Variants in RABGEF1 observed in about 807,000 individuals in gnomAD.
RABGEF1 encodes rab5 GDP/GTP exchange factor.
A neutral mutation model predicts 57.3 loss-of-function variants in RABGEF1; 26 were observed. That is an observed-to-expected ratio of 0.45 (90% CI 0.33 to 0.63). The LOEUF (loss-of-function observed/expected upper bound fraction) is 0.63. Among genes scored for constraint, RABGEF1 ranks in the 20% least tolerant of loss-of-function variants. RABGEF1 has a pLI of 0.02. For synonymous variants in RABGEF1, 185 were observed against 210.7 expected (o/e 0.88, Z 1.06); for missense variants, 464 against 607.6 (o/e 0.76, Z 2.48).
chr7:66,739,676 AAAAAAAAT>A (rs1196263720), upstream of RABGEF1, among the ~76,000 whole-genome samples: 2 of 151,404 alleles, frequency 1.3e-5, no homozygotes, highest in African/African-American at 4.9e-5. Context: ...AAAAAAAAAA[AAAAAAAAT>A]AGACTGAAAA....
chr7:66,699,295 C>T (rs762863506), intron 1 of RABGEF1, among the ~76,000 whole-genome samples: 9 of 152,158 alleles, frequency 5.9e-5, no homozygotes, highest in African/African-American at 1.2e-4. Flanking sequence ...TCCCCTAGAC[C>T]GGGAGACAAA....
chr7:66,769,975 G>T (rs1396295357), intron 1 of RABGEF1, among the ~76,000 whole-genome samples: 3 of 152,132 alleles, frequency 2.0e-5, no homozygotes, highest in Admixed American at 6.6e-5. Flanking sequence ...TTCAACACAA[G>T]GCTCTTTAAG....
chr7:66,784,307 G>A (rs1396248567), intron 4 of RABGEF1, among the ~76,000 whole-genome samples: 4 of 152,198 alleles, frequency 2.6e-5, no homozygotes, highest in African/African-American at 9.7e-5. Flanking sequence ...AGGGACTTTA[G>A]CAACTATGGA....
chr7:66,728,300 C>G (rs1465077138), intron 2 of RABGEF1, among the ~76,000 whole-genome samples: 1 of 152,148 alleles, frequency 6.6e-6, no homozygotes, highest in Non-Finnish European at 1.5e-5. Context: ...CCCTTCCTGT[C>G]TATTGTCTTG....
chr7:66,698,103 C>G (rs1052314861), intron 1 of RABGEF1, among the ~76,000 whole-genome samples: 1 of 151,840 alleles, frequency 6.6e-6, no homozygotes, highest in Non-Finnish European at 1.5e-5. Flanking sequence ...AGCCACGCAC[C>G]CCCCCCACCC....
At chr7:66,800,163 T>C (rs544333122) in intron 7 of RABGEF1, among the ~76,000 whole-genome samples, 2 of 152,198 alleles carry the variant, frequency 1.3e-5, no homozygotes, top group African/African-American at 4.8e-5. Context: ...TTAACTGATA[T>C]TAGTAGTGTT....
intron 6 of RABGEF1, among the ~76,000 whole-genome samples, chr7:66,797,945 C>T (rs184601731): frequency 1.0e-3 from 153 of 152,162 alleles, no homozygotes; most frequent in African/African-American, 3.4e-3. Context: ...GGTAAAACCC[C>T]GTCTCTACTA....
intron 1 of RABGEF1, among the ~76,000 whole-genome samples, chr7:66,694,038 G>A (rs1791952693): frequency 6.6e-6 from 1 of 152,062 alleles, no homozygotes; most frequent in African/African-American, 2.4e-5. Context: ...CGAACTCCTG[G>A]CCTCAAGTGA....
chr7:66,675,653 C>T, the RABGEF1 span, among the ~76,000 whole-genome samples: 227 of 152,140 alleles, frequency 1.5e-3, no homozygotes, highest in African/African-American at 5.1e-3. Context: ...TTTTCATGAA[C>T]GATGTGGTCT....
chr7:66,778,893 A>G (rs905714593), intron 3 of RABGEF1, among the ~76,000 whole-genome samples: 2 of 152,186 alleles, frequency 1.3e-5, no homozygotes, highest in Admixed American at 1.3e-4. Context: ...AGGCAGGCAG[A>G]TCACCTAAGG....
chr7:66,770,075 T>A (rs1402946238), intron 1 of RABGEF1, among the ~76,000 whole-genome samples: 1 of 152,196 alleles, frequency 6.6e-6, no homozygotes, highest in African/African-American at 2.4e-5. Context: ...CCTAACACTT[T>A]CTCTTTTTCT....
chr7:66,772,235 T>C (rs909707656), intron 2 of RABGEF1, among the ~76,000 whole-genome samples, 157 bp downstream of exon 2: 1 of 152,254 alleles, frequency 6.6e-6, no homozygotes, highest in Non-Finnish European at 1.5e-5. Context: ...CTCAGTCAGC[T>C]TTTAATGAAC....
intron 1 of RABGEF1, among the ~76,000 whole-genome samples, chr7:66,765,639 A>T (rs1163468307): frequency 2.0e-5 from 3 of 152,200 alleles, no homozygotes; most frequent in Admixed American, 6.5e-5. Context: ...TGTCTATTTC[A>T]TTCTGTAGAC....
intron 1 of RABGEF1, among the ~76,000 whole-genome samples, chr7:66,690,908 A>G (rs1380012955): frequency 6.8e-6 from 1 of 147,252 alleles, no homozygotes; most frequent in Non-Finnish European, 1.5e-5. Context: ...ACATGGTGAA[A>G]CTCTGTCTCT....
At chr7:66,705,693 GTGTTTTTTTTTT>G (rs1793953489) in intron 1 of RABGEF1, among the ~76,000 whole-genome samples, 2 of 151,070 alleles carry the variant, frequency 1.3e-5, no homozygotes, top group Non-Finnish European at 2.9e-5. Context: ...ATAGATACAA[GTGTTTTTTTTTT>G]TGTTTTTTTT....
chr7:66,787,200 C>CT lies in RABGEF1; in HGVS notation c.513+3373dup, dbSNP rs554384993. On this transcript the variant is annotated intron_variant, in intron 4 of 8. Transcript: ENST00000284957. ...TGCCACCATGCCCAGATAATTTTTA[C>CT]TTTTTTTTTTTTTTGTAGACACAGG... Among the ~76,000 whole-genome samples, 294 of 140,386 alleles carry CT rather than the reference C, an allele frequency of 2.1e-3. 1 individual carries two copies. The highest frequency in any genetic ancestry group is 3.7e-3 in the Middle Eastern group (1 of 270). 92.1% of individuals were successfully genotyped at this position (140,386 alleles called of 152,430 possible). A position where few individuals can be genotyped will look rare whatever the true frequency, so the allele number is the denominator to read the frequency against.
At chr7:66,757,725 C>A (rs1803117307) in intron 1 of RABGEF1, among the ~76,000 whole-genome samples, 2 of 152,220 alleles carry the variant, frequency 1.3e-5, no homozygotes, top group Non-Finnish European at 2.9e-5. Flanking sequence ...CATTCTCCTG[C>A]CTCAGCCTCC....
chr7:66,806,189 G>C (rs1157022862), intron 8 of RABGEF1, among the ~76,000 whole-genome samples: 1 of 152,046 alleles, frequency 6.6e-6, no homozygotes, highest in Non-Finnish European at 1.5e-5. Context: ...GGTGGGGAGG[G>C]GAAGCCAGGA....
intron 1 of RABGEF1, among the ~76,000 whole-genome samples, chr7:66,703,963 C>G (rs913891417): frequency 6.6e-6 from 1 of 152,224 alleles, no homozygotes; most frequent in African/African-American, 2.4e-5. Context: ...TCTTTAATCT[C>G]TTTCAACAAT....
Sources: allele counts gnomAD v4.1 joint callset (sites outside exome capture counted in the v4.1 genomes callset), GRCh38; gene constraint gnomAD v4.1.1; transcripts MANE v1.5; gene names NCBI Gene and HGNC (gene_info 2026-07-23, HGNC 2026-07-21).